Variants in SAE1 observed in about 807,000 individuals in gnomAD.
SAE1 encodes the protein SUMO1 activating enzyme subunit 1.
A neutral mutation model predicts 40.6 loss-of-function variants in SAE1; 11 were observed. That is an observed-to-expected ratio of 0.27 (90% CI 0.17 to 0.45). SAE1 has a LOEUF of 0.45. Ranked by LOEUF, SAE1 falls within the 20% of genes least tolerant of loss-of-function variation. The probability of loss-of-function intolerance (pLI) is 1.00; values close to 1 mark genes in which losing one functional copy is unlikely to be tolerated. For synonymous variants in SAE1, 155 were observed against 154.3 expected (o/e 1.00, Z -0.03); for missense variants, 373 against 427.3 (o/e 0.87, Z 1.12).
intron 7 of SAE1, among the ~76,000 whole-genome samples, chr19:47,199,990 G>A (rs1455801952): frequency 6.6e-6 from 1 of 151,822 alleles, no homozygotes; most frequent in African/African-American, 2.4e-5. Context: ...GAGTGCGATG[G>A]CATGATCTTG....
At chr19:47,140,373 T>C (rs2058213565) in intron 1 of SAE1, among the ~76,000 whole-genome samples, 1 of 152,114 alleles carries the variant, frequency 6.6e-6, no homozygotes, top group African/African-American at 2.4e-5. Context: ...CCCAAAGTGC[T>C]GGGATTACAG....
At chr19:47,192,372 C>G (rs1479655095) in intron 6 of SAE1, among the ~76,000 whole-genome samples, 1 of 151,756 alleles carries the variant, frequency 6.6e-6, no homozygotes, top group African/African-American at 2.4e-5. Flanking sequence ...CCTCAGGCTC[C>G]CGAGTAGCTG....
chr19:47,164,895 G>T (rs552085835), intron 5 of SAE1, among the ~76,000 whole-genome samples: 1 of 151,070 alleles, frequency 6.6e-6, no homozygotes, highest in Non-Finnish European at 1.5e-5. Context: ...CTCGTGATCC[G>T]CCTGCCTCAG....
At chr19:47,154,751 C>G (rs529627806) in intron 4 of SAE1, among the ~76,000 whole-genome samples, 1 of 152,254 alleles carries the variant, frequency 6.6e-6, no homozygotes, top group African/African-American at 2.4e-5. Flanking sequence ...CCGCCTTGGC[C>G]TCCCACAGTG....
At chr19:47,199,776 C>T (rs1421098915) in intron 7 of SAE1, among the ~76,000 whole-genome samples, 7 of 152,162 alleles carry the variant, frequency 4.6e-5, no homozygotes, top group African/African-American at 1.7e-4. Context: ...GCAGAGGAAA[C>T]ACTTGCTTCT....
At chr19:47,152,872 C>T (rs1455696168) in intron 3 of SAE1, 26 bp from the exon 4 acceptor site, 1 of 1,608,358 alleles carries the variant, frequency 6.2e-7, no homozygotes, top group South Asian at 1.1e-5. Flanking sequence ...AAAACTCAAA[C>T]CCAGCCAATT....
chr19:47,170,567 C>T (rs923888086), intron 6 of SAE1, among the ~76,000 whole-genome samples: 21 of 137,754 alleles, frequency 1.5e-4, no homozygotes, highest in African/African-American at 4.9e-4. Flanking sequence ...AATGCAGTAG[C>T]GCTATCATGG....
rs943241298 is a variant in SAE1, at chr19:47,151,632, C to T, written c.384+1257C>T. Among the ~76,000 whole-genome samples the T allele has an allele frequency of 2.0e-5, 3 of 152,270 alleles. No individual in the cohort carries two copies. In the East Asian group the frequency reaches 5.8e-4, roughly 29 times the overall value. ...TTTCTATTTCATATGTGCATCTGTT[C>T]AAATATGGGCTTGGAAGGATGGATC... On this transcript the variant is annotated intron_variant, in intron 3 of 8. Transcript: ENST00000270225.
chr19:47,143,391 C>A, intron 1 of SAE1, 103 bp from the exon 2 acceptor site: 1 of 844,954 alleles, frequency 1.2e-6, no homozygotes, highest in Non-Finnish European at 2.0e-6. Context: ...AGGCATGAGC[C>A]ACCGTGCCTG....
Position 47,210,197 on chromosome 19 carries a change from T to C in SAE1, c.*946T>C, listed in dbSNP as rs1460874885. The C allele has an allele frequency of 6.6e-6, 1 of 152,206 alleles. No homozygotes were observed. The highest frequency in any genetic ancestry group is 1.5e-5 in the Non-Finnish European group (1 of 68,038). The allele number at this position is 152,206 out of a possible 1,614,324, so 9.4% of individuals were successfully genotyped here. On this transcript the variant is annotated 3_prime_UTR_variant, in exon 9 of 9. Coordinates refer to ENST00000270225, the MANE Select transcript of SAE1 (RefSeq NM_005500.3). ...TAAAGTTACTTGCTTTAGGATTTGC[T>C]TGTTTTTCTTCCACTTCAGAAGCTT...
intron 4 of SAE1, among the ~76,000 whole-genome samples, chr19:47,153,780 ATATTATTAT>A (rs375765649): frequency 1.2e-4 from 18 of 151,820 alleles, no homozygotes; most frequent in African/African-American, 4.4e-4. Flanking sequence ...TTCTTTGGGC[ATATTATTAT>A]TATTATTATT....
intron 1 of SAE1, among the ~76,000 whole-genome samples, chr19:47,139,169 C>G (rs2058201441): frequency 1.3e-5 from 2 of 151,956 alleles, no homozygotes; most frequent in African/African-American, 2.4e-5. Flanking sequence ...CCAGGCTGGT[C>G]TCGAACTCCT....
At chr19:47,169,274 T>TA (rs781619799) in intron 5 of SAE1, among the ~76,000 whole-genome samples, 1 of 152,156 alleles carries the variant, frequency 6.6e-6, no homozygotes, top group Non-Finnish European at 1.5e-5. Context: ...TGAGGAGTCT[T>TA]ACTCCTTCAT....
intron 1 of SAE1, among the ~76,000 whole-genome samples, chr19:47,138,998 A>G (rs1429590533): frequency 6.6e-6 from 1 of 152,182 alleles, no homozygotes; most frequent in African/African-American, 2.4e-5. Context: ...GGAAGAAGCA[A>G]TGGGAAGCAC....
intron 7 of SAE1, among the ~76,000 whole-genome samples, chr19:47,200,985 G>A (rs57293528): frequency 0.021 from 3,121 of 151,948 alleles, 112 homozygotes; most frequent in African/African-American, 0.072. Context: ...AGCCTCCTGA[G>A]TAGCTGGGAT....
chr19:47,199,868 C>T (rs1226423195), intron 7 of SAE1, among the ~76,000 whole-genome samples: 10 of 152,132 alleles, frequency 6.6e-5, no homozygotes, highest in South Asian at 2.1e-4. Context: ...TGTCATCAGC[C>T]GCTGACCTCA....
chr19:47,194,288 A>G (rs2058599308), intron 6 of SAE1, among the ~76,000 whole-genome samples: 1 of 152,092 alleles, frequency 6.6e-6, no homozygotes, highest in Non-Finnish European at 1.5e-5. Context: ...TACCAAAACT[A>G]TTTGGTCTTT....
At chr19:47,192,275 G>A (rs981512791) in intron 6 of SAE1, among the ~76,000 whole-genome samples, 2 of 151,806 alleles carry the variant, frequency 1.3e-5, no homozygotes, top group Non-Finnish European at 2.9e-5. Context: ...TTTTGAGACA[G>A]AGTCTCGCTC....
In SAE1 at chr19:47,163,894, C is replaced by G. The variant is rs187594805; in HGVS notation, c.628-5924C>G. ...AAGTGATCCTCTGGCCTCAGCCTCC[C>G]GAGTAGCTGGGATTACAGGCTTGTG... On this transcript the variant is annotated intron_variant, in intron 5 of 8. Transcript: ENST00000270225. 7.2e-3 allele frequency among the ~76,000 whole-genome samples: 1,088 copies of G among 151,828 alleles called. 11 individuals carry two copies. Among genetic ancestry groups the G allele is most frequent in the African/African-American group, 0.025 (1,051 of 41,432 alleles).
Sources: allele counts gnomAD v4.1 joint callset (sites outside exome capture counted in the v4.1 genomes callset), GRCh38; gene constraint gnomAD v4.1.1; transcripts MANE v1.5; gene names NCBI Gene and HGNC (gene_info 2026-07-23, HGNC 2026-07-21).